Variants in ELAVL1 observed in about 807,000 individuals in gnomAD.
The protein encoded by ELAVL1 is ELAV like RNA binding protein 1.
Under a neutral mutation model 28.4 loss-of-function variants are expected in ELAVL1, and 1 was observed. The observed-to-expected ratio is 0.04, with a 90% CI of 0.01 to 0.17. The LOEUF is 0.17. Ranked by LOEUF, ELAVL1 falls within the 10% of genes least tolerant of loss-of-function variation. ELAVL1 has a pLI of 1.00. For missense variants in ELAVL1, 157 were observed against 447.2 expected (o/e 0.35, Z 5.85); for synonymous variants, 174 against 183.5 (o/e 0.95, Z 0.42).
chr19:8,003,553 G>A (rs1435305112), intron 1 of ELAVL1, among the ~76,000 whole-genome samples: 4 of 151,578 alleles, frequency 2.6e-5, no homozygotes, highest in Non-Finnish European at 5.9e-5. Flanking sequence ...TTAGTCGGGC[G>A]TGGTAGCCGG....
In ELAVL1 at chr19:7,963,942, G is replaced by GAC; in HGVS notation, c.657-137_657-136dup. 3.1e-6 allele frequency: 3 copies of GAC among 977,502 alleles called. No homozygotes were observed. The highest frequency in any genetic ancestry group is 4.4e-6 in the Non-Finnish European group (3 of 676,714). 60.6% of individuals were successfully genotyped at this position (977,502 alleles called of 1,614,324 possible). A position where few individuals can be genotyped will look rare whatever the true frequency, so the allele number is the denominator to read the frequency against. ...GCAGCCACGAGGTGCTCACGGTTGA[G>GAC]ACACCTGCATGGGTCAAAACCCTGG... On this transcript the variant is annotated intron_variant, in intron 5 of 5. Transcript: ENST00000407627. This position sits in a 1 kb window ranked among gnomAD's most constrained non-coding sequence, Gnocchi z 4.5.
intron 1 of ELAVL1, among the ~76,000 whole-genome samples, chr19:7,995,783 T>TAA (rs36099865): frequency 1.1e-3 from 163 of 145,774 alleles, no homozygotes; most frequent in Middle Eastern, 3.5e-3. Flanking sequence ...CCCACTTCGT[T>TAA]AAAAAAAAAA....
intron 2 of ELAVL1, among the ~76,000 whole-genome samples, chr19:7,988,194 C>T (rs943544891): frequency 2.0e-5 from 3 of 152,118 alleles, no homozygotes; most frequent in African/African-American, 7.2e-5. Context: ...GTGGTGCCAT[C>T]GGCTAAGGTG....
rs539327686 is a variant in ELAVL1 at position 7,979,052 on chromosome 19, C to T, written c.276+2031G>A. On this transcript the variant is annotated intron_variant, in intron 3 of 5. Coordinates refer to ENST00000407627, the MANE Select transcript of ELAVL1 (RefSeq NM_001419.3). The surrounding 1 kb of genome is among the most constrained non-coding windows in gnomAD (Gnocchi z 5.4). Reference sequence around the variant, plus strand: ...TGGCCAGGGGCTCAGTAAAGGTTTGCGGAATGAACACACTTGGAGCACAGA... The same window carrying T: ...TGGCCAGGGGCTCAGTAAAGGTTTGTGGAATGAACACACTTGGAGCACAGA... Among the ~76,000 whole-genome samples the T allele has an allele frequency of 2.0e-5, 3 of 152,304 alleles. No homozygotes were observed. Among genetic ancestry groups the T allele is most frequent in the African/African-American group, 7.2e-5 (3 of 41,574 alleles).
intron 1 of ELAVL1, among the ~76,000 whole-genome samples, chr19:7,992,245 A>C (rs1985771656): frequency 6.6e-6 from 1 of 152,130 alleles, no homozygotes; most frequent in Non-Finnish European, 1.5e-5. Context: ...CTGGCCCTGC[A>C]CTTAGAGATT....
At chr19:7,997,658 T>C (rs1375467279) in intron 1 of ELAVL1, among the ~76,000 whole-genome samples, 1 of 152,018 alleles carries the variant, frequency 6.6e-6, no homozygotes, top group Admixed American at 6.6e-5. Flanking sequence ...AAAAATAAAT[T>C]GTCTGAGTGT....
rs1400881323 is a variant in ELAVL1, at chr19:7,979,429, G to A, written c.276+1654C>T. 6.6e-6 allele frequency among the ~76,000 whole-genome samples: 1 copy of A among 152,248 alleles called. No individual in the cohort carries two copies. The highest frequency in any genetic ancestry group is 1.5e-5 in the Non-Finnish European group (1 of 68,040). On this transcript the variant is annotated intron_variant, in intron 3 of 5. Transcript: ENST00000407627. The surrounding 1 kb of genome is among the most constrained non-coding windows in gnomAD (Gnocchi z 5.4). Reference sequence around the variant, plus strand: ...GGCAAGACAGTCCTGTTTACACACTGGGCACCCGGCTCCTGCATCTGAGTA... The same window carrying A: ...GGCAAGACAGTCCTGTTTACACACTAGGCACCCGGCTCCTGCATCTGAGTA...
intron 5 of ELAVL1, among the ~76,000 whole-genome samples, chr19:7,964,294 G>A (rs1001370575): frequency 6.6e-6 from 1 of 152,124 alleles, no homozygotes; most frequent in Non-Finnish European, 1.5e-5. Flanking sequence ...ACAGCCCAGT[G>A]GTCTCTGGTT....
intron 2 of ELAVL1, among the ~76,000 whole-genome samples, chr19:7,989,399 T>C (rs530076781): frequency 3.3e-5 from 5 of 152,352 alleles, no homozygotes; most frequent in African/African-American, 1.2e-4. Context: ...ACCTCCGAAC[T>C]GAAATAATTT....
chr19:7,990,434 C>A (rs1189266060), intron 2 of ELAVL1, among the ~76,000 whole-genome samples: 1 of 151,032 alleles, frequency 6.6e-6, no homozygotes, highest in Admixed American at 6.6e-5. Context: ...GGTGCAATCT[C>A]AGCTCACTGC....
intron 3 of ELAVL1, among the ~76,000 whole-genome samples, chr19:7,975,410 G>T (rs1985253763): frequency 6.6e-6 from 1 of 152,206 alleles, no homozygotes. Context: ...CCAAGGACAG[G>T]TGTCTCCAAG....
At chr19:7,994,027 T>A (rs1389720959) in intron 1 of ELAVL1, among the ~76,000 whole-genome samples, 1 of 152,192 alleles carries the variant, frequency 6.6e-6, no homozygotes, top group East Asian at 1.9e-4. Context: ...TATTTGAGGA[T>A]GTCCTATGCT....
intron 1 of ELAVL1, 50 bp from the exon 2 acceptor site, chr19:7,991,881 T>C (rs1189015400): frequency 4.1e-6 from 6 of 1,457,154 alleles, no homozygotes; most frequent in Non-Finnish European, 4.6e-6. Flanking sequence ...TATTGCAGTA[T>C]ATGAAGGCAA....
Position 7,963,163 on chromosome 19 carries a change from A to G in ELAVL1, c.*320T>C. On this transcript the variant is annotated 3_prime_UTR_variant, in exon 6 of 6. Coordinates refer to ENST00000407627, the MANE Select transcript of ELAVL1 (RefSeq NM_001419.3). This position sits in a 1 kb window ranked among gnomAD's most constrained non-coding sequence, Gnocchi z 4.5. ...ACATTGAATGAAACGCGTGTTAGAC[A>G]GTCTTAGAGGTTAAAGCATGCTTCA... The G allele has an allele frequency of 3.7e-6, 1 of 267,100 alleles. No individual in the cohort carries two copies. The highest frequency in any genetic ancestry group is 4.9e-5 in the Admixed American group (1 of 20,602). The allele number at this position is 267,100 out of a possible 1,614,324, so 16.5% of individuals were successfully genotyped here.
intron 5 of ELAVL1, among the ~76,000 whole-genome samples, chr19:7,966,862 T>G (rs1257964716): frequency 6.6e-6 from 1 of 152,052 alleles, no homozygotes; most frequent in African/African-American, 2.4e-5. Context: ...CAAGTAATCC[T>G]CCTAACTCGG....
intron 3 of ELAVL1, among the ~76,000 whole-genome samples, chr19:7,975,915 A>G (rs1001735039): frequency 4.6e-5 from 7 of 152,118 alleles, no homozygotes; most frequent in Admixed American, 1.3e-4. Flanking sequence ...CCTGGGCAAC[A>G]TGGCAAGACC....
chr19:8,003,355 C>CAAAAA (rs71165248), intron 1 of ELAVL1, among the ~76,000 whole-genome samples: 22 of 61,086 alleles, frequency 3.6e-4, no homozygotes, highest in African/African-American at 5.0e-4. Context: ...GAAACTGTCT[C>CAAAAA]AAAAAAAAAA....
intron 2 of ELAVL1, among the ~76,000 whole-genome samples, chr19:7,983,057 C>T (rs1039225093): frequency 3.0e-4 from 46 of 152,216 alleles, no homozygotes; most frequent in African/African-American, 1.0e-3. Flanking sequence ...GAAGTCAGGA[C>T]GCCCAGCCCA....
intron 4 of ELAVL1, among the ~76,000 whole-genome samples, chr19:7,968,107 A>G (rs1159493258): frequency 6.6e-6 from 1 of 152,222 alleles, no homozygotes; most frequent in Non-Finnish European, 1.5e-5. Flanking sequence ...ATTAGGAAAC[A>G]GCACATCCAC....
Sources: allele counts gnomAD v4.1 joint callset (sites outside exome capture counted in the v4.1 genomes callset), GRCh38; gene constraint gnomAD v4.1.1; non-coding constraint Gnocchi (gnomAD v3.1); transcripts MANE v1.5; gene names NCBI Gene and HGNC (gene_info 2026-07-23, HGNC 2026-07-21).